Variants in SLC45A2 observed in about 807,000 individuals in gnomAD.
SLC45A2 encodes the protein membrane-associated transporter protein.
SLC45A2 carries 36 observed loss-of-function variants against 45.5 expected under a neutral mutation model. The ratio of observed to expected loss-of-function variants is 0.79; its 90% CI spans 0.61 to 1.04. The LOEUF (loss-of-function observed/expected upper bound fraction) is 1.04, where lower values mean the gene tolerates loss of function less well. Among genes scored for constraint, SLC45A2 ranks in the 50% least tolerant of loss-of-function variants. The pLI is 0.00. For missense variants in SLC45A2, 719 were observed against 671.0 expected, an observed-to-expected ratio of 1.07 and a Z score of -0.79; for synonymous variants, 306 against 269.3, an observed-to-expected ratio of 1.14 and a Z score of -1.33.
In SLC45A2 at chr5:33,947,472, C is replaced by T; in HGVS notation, c.1157-98G>A. 4.3e-6 allele frequency: 5 copies of T among 1,166,228 alleles called. No individual in the cohort carries two copies. In the South Asian group the frequency reaches 5.1e-5, roughly 12 times the overall value. The allele number at this position is 1,166,228 out of a possible 1,614,324, so 72.2% of individuals were successfully genotyped here. ...TCTTCTGAAGATTCACCTTTTTAGACATCCTTTGATACTGAGCCAGGAACA... is the reference window on the plus strand; with the variant it reads ...TCTTCTGAAGATTCACCTTTTTAGATATCCTTTGATACTGAGCCAGGAACA... On this transcript the variant is annotated intron_variant, in intron 5 of 6. Coordinates refer to ENST00000296589, the MANE Select transcript of SLC45A2 (RefSeq NM_016180.5).
chr5:33,951,258 T>A lies in SLC45A2; in HGVS notation c.1156+296A>T. On this transcript the variant is annotated intron_variant, in intron 5 of 6. Transcript: ENST00000296589. ...CAGTAGAACACGAACCTGCTGGGAC[T>A]CATCCATCCAACACTTCATCTTGTA... is the stretch of plus-strand genomic sequence containing the variant. 4 of 580,102 alleles carry A rather than the reference T, an allele frequency of 6.9e-6. No homozygotes were observed. The South Asian group carries it at 8.0e-5, about 12-fold the overall frequency. 35.9% of individuals were successfully genotyped at this position (580,102 alleles called of 1,614,324 possible).
intron 2 of SLC45A2, among the ~76,000 whole-genome samples, chr5:33,975,987 C>G (rs1014639580): frequency 1.3e-5 from 2 of 152,150 alleles, no homozygotes; most frequent in Non-Finnish European, 2.9e-5. Context: ...GGCAATACAT[C>G]CTTAAAGCTG....
chr5:33,975,309 C>G (rs928996459), intron 2 of SLC45A2, among the ~76,000 whole-genome samples: 2 of 152,186 alleles, frequency 1.3e-5, no homozygotes, highest in African/African-American at 2.4e-5. Flanking sequence ...TTTTACACAA[C>G]TAACATGTTT....
chr5:33,973,442 C>G (rs764503840), intron 2 of SLC45A2, among the ~76,000 whole-genome samples: 1 of 152,120 alleles, frequency 6.6e-6, no homozygotes, highest in Non-Finnish European at 1.5e-5. Context: ...TTTGATGAAA[C>G]AAAACCACTC....
chr5:33,961,531 T>G (rs911567631), intron 3 of SLC45A2, among the ~76,000 whole-genome samples: 1 of 152,206 alleles, frequency 6.6e-6, no homozygotes, highest in Non-Finnish European at 1.5e-5. Context: ...CCCCAAAATC[T>G]CTATTCAAAT....
chr5:33,949,726 T>C (rs1752041072), intron 5 of SLC45A2, among the ~76,000 whole-genome samples: 1 of 152,196 alleles, frequency 6.6e-6, no homozygotes, highest in African/African-American at 2.4e-5. Flanking sequence ...ATTCAACTAA[T>C]AATTTCTTTT....
rs781431070 is a variant in SLC45A2 at position 33,984,314 on chromosome 5, C to T, written c.270G>A (p.Ser90=). ...LGFLLQPVVG[S]ASDHCRSRWG... ...ACCTGGACCGGCAGTGGTCGCTGGC[C>T]GATCCGACCACGGGCTGCAGCAGGA... Residue 90 remains serine (S), a synonymous_variant, in exon 1 of 7, where the codon TCG becomes TCA. Coordinates refer to ENST00000296589, the MANE Select transcript of SLC45A2 (RefSeq NM_016180.5). The T allele has an allele frequency of 2.5e-6, 4 of 1,613,990 alleles. No homozygotes were observed. The highest frequency in any genetic ancestry group is 2.2e-5 in the South Asian group (2 of 91,084).
chr5:33,962,220 G>C (rs1752476339), intron 3 of SLC45A2, among the ~76,000 whole-genome samples: 1 of 152,180 alleles, frequency 6.6e-6, no homozygotes, highest in Non-Finnish European at 1.5e-5. Context: ...CCACGTGTTA[G>C]GCTGCAAATT....
chr5:33,962,349 G>T (rs1229649720), intron 3 of SLC45A2, among the ~76,000 whole-genome samples: 1 of 152,182 alleles, frequency 6.6e-6, no homozygotes, highest in Admixed American at 6.5e-5. Context: ...ATAATGTATT[G>T]ATATATTTAT....
intron 2 of SLC45A2, among the ~76,000 whole-genome samples, chr5:33,967,541 T>G (rs567982100): frequency 6.6e-6 from 1 of 152,316 alleles, no homozygotes; most frequent in African/African-American, 2.4e-5. Context: ...TCTAACTAAC[T>G]TCCTTTCTTG....
At chr5:33,954,623 T>G in intron 3 of SLC45A2, 119 bp from the exon 4 acceptor site, 1 of 1,412,204 alleles carries the variant, frequency 7.1e-7, no homozygotes, top group South Asian at 1.2e-5. Flanking sequence ...AAAGTGTCAC[T>G]TTTCCTGGAC....
At chr5:33,969,275 G>A (rs1541688) in intron 2 of SLC45A2, among the ~76,000 whole-genome samples, 11 of 145,086 alleles carry the variant, frequency 7.6e-5, no homozygotes, top group Admixed American at 5.5e-4. Context: ...CCAATGAAAA[G>A]AAAAAAAAAA....
Position 33,984,387 on chromosome 5 carries a change from G to A in SLC45A2, c.197C>T (p.Pro66Leu), listed in dbSNP as rs778046679. The A allele has an allele frequency of 1.2e-6, 2 of 1,613,656 alleles. No individual in the cohort carries two copies. The highest frequency in any genetic ancestry group is 2.2e-5 in the East Asian group (1 of 44,870). Residue 66 changes from proline to leucine, a missense_variant, in exon 1 of 7, where the codon CCC (proline) becomes CTC (leucine). By Grantham distance (98) the Pro-to-Leu change is moderately conservative. Transcript: ENST00000296589. ...CCACACAATGCTGTACAGGCTGCTGGGCAGACCTACGCTGAGCAGGACTGG... is the reference window on the plus strand; with the variant it reads ...CCACACAATGCTGTACAGGCTGCTGAGCAGACCTACGCTGAGCAGGACTGG... ...VTPVLLSVGL[P>L]SSLYSIVWFL...
intron 2 of SLC45A2, among the ~76,000 whole-genome samples, chr5:33,969,275 G>GA (rs947915850): frequency 4.8e-5 from 7 of 145,190 alleles, no homozygotes; most frequent in East Asian, 2.0e-4. Context: ...CCAATGAAAA[G>GA]AAAAAAAAAA....
At chr5:33,951,301 T>C in intron 5 of SLC45A2, 1 of 1,002,920 alleles carries the variant, frequency 1.0e-6, no homozygotes, top group Admixed American at 3.1e-5. Flanking sequence ...CCTTTCATTT[T>C]CCAGAGAAAC....
chr5:33,946,459 T>G, intron 6 of SLC45A2: 2 of 985,658 alleles, frequency 2.0e-6, no homozygotes, highest in South Asian at 9.4e-5. Context: ...TATAAGCCTA[T>G]TTTCACAGGA....
intron 2 of SLC45A2, among the ~76,000 whole-genome samples, chr5:33,974,455 A>G (rs892865557): frequency 7.8e-6 from 1 of 128,810 alleles, no homozygotes; most frequent in Non-Finnish European, 1.6e-5. Context: ...AGTGAAACAA[A>G]AAAAAAAAAA....
intron 2 of SLC45A2, among the ~76,000 whole-genome samples, chr5:33,973,641 G>T (rs1399261922): frequency 6.6e-6 from 1 of 152,146 alleles, no homozygotes; most frequent in African/African-American, 2.4e-5. Flanking sequence ...ATACTTTGAA[G>T]TATTAAAAGA....
chr5:33,979,297 A>C (rs1753009727), intron 2 of SLC45A2, among the ~76,000 whole-genome samples: 1 of 152,226 alleles, frequency 6.6e-6, no homozygotes, highest in South Asian at 2.1e-4. Context: ...CCTGATTGGC[A>C]ATTGGTTGAA....
Sources: gnomAD v4.1 joint callset for allele counts (sites outside exome capture counted in the v4.1 genomes callset) on GRCh38, gnomAD v4.1.1 for gene constraint, MANE v1.5 for transcripts, NCBI Gene and HGNC (gene_info 2026-07-23, HGNC 2026-07-21) for gene names.